The following CSMD1 variants were observed in gnomAD, a reference collection of about 807,000 sequenced individuals.
CSMD1 encodes the protein CUB and sushi domain-containing protein 1.
CSMD1 carries 213 observed loss-of-function variants against 417.5 expected under a neutral mutation model. The observed-to-expected ratio is 0.51, with a 90% confidence interval of 0.46 to 0.57. The LOEUF is 0.57. Among genes scored for constraint, CSMD1 ranks in the 20% least tolerant of loss-of-function variants. The pLI is 0.00. For missense variants in CSMD1, 6,923 were observed against 4,529.7 expected, an observed-to-expected ratio of 1.53 and a Z score of -15.17; for synonymous variants, 2,862 against 1,736.8, an observed-to-expected ratio of 1.65 and a Z score of -16.11.
intron 1 of CSMD1, among the ~76,000 whole-genome samples, chr8:4,942,223 G>A (rs1010894998): frequency 6.6e-6 from 1 of 151,888 alleles, no homozygotes; most frequent in Admixed American, 6.6e-5. Flanking sequence ...TATAAACCAG[G>A]CTTCACTCTT....
chr8:4,336,399 C>G (rs1227240020), intron 3 of CSMD1, among the ~76,000 whole-genome samples: 1 of 152,110 alleles, frequency 6.6e-6, no homozygotes, highest in East Asian at 1.9e-4. Context: ...GACCCATGGC[C>G]ACTCCTGATG....
chr8:4,809,150 C>T (rs1202292936), intron 1 of CSMD1, among the ~76,000 whole-genome samples: 1 of 152,172 alleles, frequency 6.6e-6, no homozygotes, highest in Non-Finnish European at 1.5e-5. Context: ...TCAGGGACAA[C>T]TGTTACATAC....
At chr8:4,594,113 C>G (rs527587862) in intron 2 of CSMD1, among the ~76,000 whole-genome samples, 6 of 151,778 alleles carry the variant, frequency 4.0e-5, no homozygotes, top group African/African-American at 1.2e-4. Context: ...GTCAAGTTTC[C>G]CCTTTTTATA....
chr8:4,079,864 T>G (rs971851894), intron 3 of CSMD1, among the ~76,000 whole-genome samples: 9 of 152,324 alleles, frequency 5.9e-5, no homozygotes, highest in African/African-American at 1.7e-4. Context: ...AATGACCCTT[T>G]GAATACCATC....
At chr8:3,442,562 G>A (rs76383310) in intron 12 of CSMD1, among the ~76,000 whole-genome samples, 4,074 of 152,284 alleles carry the variant, frequency 0.027, 89 homozygotes, top group East Asian at 0.092. Flanking sequence ...CAGGTTTGGA[G>A]CCTAGGAACA....
At chr8:3,327,170 T>A (rs1806587352) in intron 23 of CSMD1, among the ~76,000 whole-genome samples, 1 of 150,506 alleles carries the variant, frequency 6.6e-6, no homozygotes, top group East Asian at 2.0e-4. Context: ...TGAAAGAGAC[T>A]CTCTCTGTCA....
intron 26 of CSMD1, among the ~76,000 whole-genome samples, chr8:3,258,862 G>A (rs1472026340): frequency 3.9e-5 from 6 of 152,184 alleles, no homozygotes; most frequent in African/African-American, 9.7e-5. Context: ...AATACTGCAT[G>A]TTTTCATTTA....
intron 3 of CSMD1, among the ~76,000 whole-genome samples, chr8:4,239,883 T>C (rs1447809909): frequency 1.3e-5 from 2 of 152,208 alleles, no homozygotes; most frequent in Non-Finnish European, 2.9e-5. Context: ...CCTTATCCTT[T>C]GCAGCATTAG....
chr8:3,579,295 G>A (rs1800283465), intron 9 of CSMD1, among the ~76,000 whole-genome samples: 1 of 152,050 alleles, frequency 6.6e-6, no homozygotes, highest in Non-Finnish European at 1.5e-5. Flanking sequence ...ATGAATATTT[G>A]TTAAGTATAA....
chr8:3,553,885 C>T (rs897250712), intron 10 of CSMD1, among the ~76,000 whole-genome samples: 9 of 152,046 alleles, frequency 5.9e-5, no homozygotes, highest in Non-Finnish European at 1.0e-4. Flanking sequence ...CATACATATC[C>T]ACAACAGTCA....
intron 36 of CSMD1, among the ~76,000 whole-genome samples, chr8:3,184,470 ATCTGTCTTCAGT>A (rs1210099122): frequency 1.3e-5 from 2 of 152,196 alleles, no homozygotes; most frequent in Admixed American, 6.5e-5. Flanking sequence ...GACAGCTTTA[ATCTGTCTTCAGT>A]TCTGCTCTTA....
At chr8:3,832,090 G>C (rs1802411783) in intron 5 of CSMD1, among the ~76,000 whole-genome samples, 1 of 152,084 alleles carries the variant, frequency 6.6e-6, no homozygotes, top group African/African-American at 2.4e-5. Context: ...CTCATGTGTG[G>C]AATCCTGCCT....
intron 6 of CSMD1, among the ~76,000 whole-genome samples, chr8:3,729,473 G>T (rs1007495589): frequency 6.6e-6 from 1 of 152,182 alleles, no homozygotes; most frequent in Non-Finnish European, 1.5e-5. Context: ...TCAAGTGCTT[G>T]AACATAGAGG....
intron 1 of CSMD1, among the ~76,000 whole-genome samples, chr8:4,644,509 T>G (rs536330546): frequency 2.0e-5 from 3 of 152,110 alleles, no homozygotes; most frequent in Admixed American, 2.0e-4. Context: ...CAGGTTCAAG[T>G]GATCCTCCCG....
intron 3 of CSMD1, among the ~76,000 whole-genome samples, chr8:4,188,031 AC>A (rs1436753222): frequency 6.6e-6 from 1 of 152,146 alleles, no homozygotes; most frequent in Admixed American, 6.5e-5. Flanking sequence ...AAGACCTAAG[AC>A]AGTGCAAACT....
chr8:3,247,189 A>C (rs1799936316), intron 26 of CSMD1, among the ~76,000 whole-genome samples: 1 of 152,196 alleles, frequency 6.6e-6, no homozygotes, highest in African/African-American at 2.4e-5. Context: ...CTCACAGACC[A>C]TGTGATTTGA....
In CSMD1 at chr8:3,411,882, A is replaced by ACATGCACGTATACATGCACGTATATATG. The variant is rs1563361605; in HGVS notation, c.1562-2278_1562-2277insCATATATACGTGCATGTATACGTGCATG. On this transcript the variant is annotated intron_variant, in intron 12 of 69. Transcript: ENST00000635120. ...TGCACGTATATATGCACGTATATAT[A>ACATGCACGTATACATGCACGTATATATG]CACGTATATATGCACGTATATATAC... 5.4e-4 allele frequency among the ~76,000 whole-genome samples: 25 copies of ACATGCACGTATACATGCACGTATATATG among 46,360 alleles called. 3 individuals are homozygous for ACATGCACGTATACATGCACGTATATATG. The highest frequency in any genetic ancestry group is 1.4e-3 in the South Asian group (2 of 1,420). 30.4% of individuals were successfully genotyped at this position (46,360 alleles called of 152,430 possible).
At chr8:3,584,881 G>T (rs1482495442) in intron 9 of CSMD1, among the ~76,000 whole-genome samples, 1 of 152,152 alleles carries the variant, frequency 6.6e-6, no homozygotes, top group Non-Finnish European at 1.5e-5. Flanking sequence ...GTGGGAACAT[G>T]AATTTTAGTA....
At chr8:4,244,123 A>C (rs891803552) in intron 3 of CSMD1, among the ~76,000 whole-genome samples, 1 of 152,142 alleles carries the variant, frequency 6.6e-6, no homozygotes, top group East Asian at 1.9e-4. Flanking sequence ...TGTGCGGATG[A>C]GTTTCGCGCA....
Sources: gnomAD v4.1 joint callset for allele counts (sites outside exome capture counted in the v4.1 genomes callset) on GRCh38, gnomAD v4.1.1 for gene constraint, MANE v1.5 for transcripts, NCBI Gene and HGNC (gene_info 2026-07-23, HGNC 2026-07-21) for gene names.